The following EXOC6B variants were observed in gnomAD, a reference collection of about 807,000 sequenced individuals.
EXOC6B encodes the protein SEC15 homolog B.
Under a neutral mutation model 113.5 loss-of-function variants are expected in EXOC6B, and 54 were observed. That is an observed-to-expected ratio of 0.48 (90% CI 0.38 to 0.60). The LOEUF is 0.60. EXOC6B is among the 20% of genes least tolerant of loss of function. The pLI is 0.00. For synonymous variants in EXOC6B, 357 were observed against 339.0 expected, an observed-to-expected ratio of 1.05 and a Z score of -0.58; for missense variants, 797 against 977.5, an observed-to-expected ratio of 0.82 and a Z score of 2.46.
chr2:72,798,827 A>T (rs1194895470), intron 1 of EXOC6B, among the ~76,000 whole-genome samples: 2 of 152,208 alleles, frequency 1.3e-5, no homozygotes, highest in Non-Finnish European at 2.9e-5. Flanking sequence ...GTAAAATAAA[A>T]GCCTGTGCAA....
chr2:72,339,013 C>T (rs542761518), intron 19 of EXOC6B, among the ~76,000 whole-genome samples: 82 of 151,510 alleles, frequency 5.4e-4, no homozygotes, highest in African/African-American at 1.9e-3. Context: ...TATTGCAGTA[C>T]TTTCCCTAGT....
chr2:72,367,312 C>A (rs1690686195), intron 19 of EXOC6B, among the ~76,000 whole-genome samples: 1 of 136,618 alleles, frequency 7.3e-6, no homozygotes, highest in South Asian at 2.5e-4. Context: ...AACTATAGAT[C>A]ACATAAAAAA....
intron 17 of EXOC6B, among the ~76,000 whole-genome samples, chr2:72,467,211 C>T (rs1698112118): frequency 2.0e-5 from 3 of 152,148 alleles, no homozygotes; most frequent in Admixed American, 2.0e-4. Context: ...ATACATACTA[C>T]ATTTTCTTTA....
intron 6 of EXOC6B, among the ~76,000 whole-genome samples, chr2:72,650,031 G>A (rs947274033): frequency 3.3e-5 from 5 of 152,314 alleles, no homozygotes; most frequent in South Asian, 2.1e-4. Flanking sequence ...AACTGGGCGC[G>A]GGGCACGACA....
intron 20 of EXOC6B, among the ~76,000 whole-genome samples, chr2:72,319,372 A>G (rs1195594868): frequency 6.6e-6 from 1 of 152,168 alleles, no homozygotes; most frequent in Non-Finnish European, 1.5e-5. Flanking sequence ...CTCAGCACCT[A>G]TTTAACCTTG....
intron 20 of EXOC6B, among the ~76,000 whole-genome samples, chr2:72,291,182 T>C (rs1573190500): frequency 6.6e-6 from 1 of 152,148 alleles, no homozygotes; most frequent in South Asian, 2.1e-4. Flanking sequence ...TATTTTTAGT[T>C]TGTGGCAGAG....
intron 6 of EXOC6B, among the ~76,000 whole-genome samples, chr2:72,579,082 A>C (rs2103848621): frequency 6.6e-6 from 1 of 152,294 alleles, no homozygotes; most frequent in African/African-American, 2.4e-5. Context: ...AACAGTCCAA[A>C]TAACATTATG....
chr2:72,493,495 C>T (rs560653248), intron 15 of EXOC6B, among the ~76,000 whole-genome samples: 1 of 151,854 alleles, frequency 6.6e-6, no homozygotes, highest in African/African-American at 2.4e-5. Context: ...AGTGTTATTA[C>T]TATGTGGTAG....
intron 18 of EXOC6B, among the ~76,000 whole-genome samples, chr2:72,430,360 G>A (rs907037549): frequency 2.6e-5 from 4 of 152,238 alleles, no homozygotes; most frequent in Non-Finnish European, 4.4e-5. Context: ...ATTTGGCTGG[G>A]TGTGGTGGCT....
At chr2:72,462,103 G>A (rs1034979851) in intron 18 of EXOC6B, 1 of 151,902 alleles carries the variant, frequency 6.6e-6, no homozygotes, top group Non-Finnish European at 1.5e-5. Context: ...CTCCCATCCT[G>A]GAATACCATA....
intron 7 of EXOC6B, among the ~76,000 whole-genome samples, chr2:72,570,297 G>A (rs968078085): frequency 5.3e-5 from 8 of 152,196 alleles, no homozygotes; most frequent in African/African-American, 1.9e-4. Context: ...TGGACAGCCA[G>A]CCTCCAGAAA....
intron 18 of EXOC6B, among the ~76,000 whole-genome samples, chr2:72,461,226 G>T (rs1697642185): frequency 1.0e-5 from 1 of 96,136 alleles, no homozygotes; most frequent in African/African-American, 4.0e-5. Flanking sequence ...GGGGAGGGGG[G>T]AGGGATAGCA....
chr2:72,600,277 C>CA (rs1259902925), intron 6 of EXOC6B, among the ~76,000 whole-genome samples: 1 of 151,716 alleles, frequency 6.6e-6, no homozygotes, highest in Non-Finnish European at 1.5e-5. Context: ...CCTGTCTCTA[C>CA]AAAAAATACA....
At chr2:72,578,388 G>C (rs1333052665) in intron 6 of EXOC6B, among the ~76,000 whole-genome samples, 1 of 152,062 alleles carries the variant, frequency 6.6e-6, no homozygotes, top group Admixed American at 6.5e-5. Flanking sequence ...CCTCCAAGAT[G>C]AATCTTCCAA....
chr2:72,790,643 T>C (rs1684622256), intron 1 of EXOC6B, among the ~76,000 whole-genome samples: 1 of 152,240 alleles, frequency 6.6e-6, no homozygotes, highest in African/African-American at 2.4e-5. Context: ...AATCCAAAAC[T>C]ACTACGTAGA....
At chr2:72,503,428 T>C (rs1700433110) in intron 11 of EXOC6B, among the ~76,000 whole-genome samples, 1 of 152,242 alleles carries the variant, frequency 6.6e-6, no homozygotes, top group Non-Finnish European at 1.5e-5. Context: ...CAGAATGGCA[T>C]ATAGTTGGGA....
At chr2:72,474,659 TTG>T (rs1480306098) in intron 17 of EXOC6B, among the ~76,000 whole-genome samples, 1 of 152,136 alleles carries the variant, frequency 6.6e-6, no homozygotes, top group African/African-American at 2.4e-5. Flanking sequence ...ATATCATGCA[TTG>T]TTTTTCTGAT....
At chr2:72,702,815 GAT>G in intron 6 of EXOC6B, among the ~76,000 whole-genome samples, 1 of 139,138 alleles carries the variant, frequency 7.2e-6, no homozygotes, top group Non-Finnish European at 1.6e-5. Flanking sequence ...GTAGATTCTG[GAT>G]ATTAGCCCTT....
chr2:72,530,345 G>A (rs1285675163), intron 8 of EXOC6B, among the ~76,000 whole-genome samples: 1 of 152,048 alleles, frequency 6.6e-6, no homozygotes, highest in East Asian at 1.9e-4. Context: ...TATTTCCTTT[G>A]AGACTTCCTC....
Sources: allele counts gnomAD v4.1 joint callset (sites outside exome capture counted in the v4.1 genomes callset), GRCh38; gene constraint gnomAD v4.1.1; transcripts MANE v1.5; gene names NCBI Gene and HGNC (gene_info 2026-07-23, HGNC 2026-07-21).